REST: variants seen among roughly 807,000 people sequenced by gnomAD.
The protein encoded by REST is RE1 silencing transcription factor.
Under a neutral mutation model 30.4 loss-of-function variants are expected in REST, and 1 was observed. The observed-to-expected ratio is 0.03, with a 90% CI of 0.01 to 0.16. The LOEUF (loss-of-function observed/expected upper bound fraction) is 0.16. Ranked by LOEUF, REST falls within the 10% of genes least tolerant of loss-of-function variation. REST has a pLI of 1.00. For synonymous variants in REST, 504 were observed against 451.1 expected (o/e 1.12, Z -1.49); for missense variants, 1,259 against 1,329.5 (o/e 0.95, Z 0.82).
At position 56,912,654 on chromosome 4, in the gene REST, A is replaced by G. The variant is rs955695913; in HGVS notation, c.898+1118A>G. ...CTCAGCCTCCTGAGTGGCTGGGACTATAGGTGCCCACCACCACACCCAGCT... is the reference window on the plus strand; with the variant it reads ...CTCAGCCTCCTGAGTGGCTGGGACTGTAGGTGCCCACCACCACACCCAGCT... On this transcript the variant is annotated intron_variant, in intron 2 of 3. Coordinates refer to ENST00000309042, the MANE Select transcript of REST (RefSeq NM_005612.5). 3.9e-5 allele frequency among the ~76,000 whole-genome samples: 6 copies of G among 152,214 alleles called. No individual in the cohort carries two copies. In the South Asian group the frequency reaches 8.3e-4, roughly 21 times the overall value.
intron 3 of REST, among the ~76,000 whole-genome samples, chr4:56,924,181 T>C (rs1720576749): frequency 6.6e-6 from 1 of 152,208 alleles, no homozygotes; most frequent in African/African-American, 2.4e-5. Flanking sequence ...TTTTTTCTGT[T>C]GATAACGTTG....
Position 56,930,895 on chromosome 4 carries a change from A to G in REST, c.2037A>G (p.Gln679=), listed in dbSNP as rs1479575303. The change falls in exon 4 of 4, where the codon CAA becomes CAG. Residue 679 remains glutamine (Q), a synonymous_variant. Coordinates refer to ENST00000309042, the MANE Select transcript of REST (RefSeq NM_005612.5). The part of the protein sequence containing the change: ...PVEPAQMVGA[Q]IVLAHMELPP... ...AGCCTGCTCAGATGGTGGGTGCCCA[A>G]ATTGTACTTGCTCACATGGAGCTGC... 21 of 1,613,262 alleles carry G rather than the reference A, an allele frequency of 1.3e-5. No individual in the cohort carries two copies. The highest frequency in any genetic ancestry group is 1.8e-5 in the Non-Finnish European group (21 of 1,179,812).
intron 2 of REST, among the ~76,000 whole-genome samples, chr4:56,913,933 C>T (rs557878831): frequency 3.3e-5 from 5 of 152,014 alleles, no homozygotes; most frequent in South Asian, 4.2e-4. Flanking sequence ...CGTGAGCCAC[C>T]GCGCCTGGCC....
chr4:56,919,803 A>T lies in REST; in HGVS notation c.915A>T (p.Lys305Asn). The change falls in exon 3 of 4, where the codon AAA (lysine) becomes AAT (asparagine). Residue 305 changes from lysine to asparagine, a missense_variant. Lys to Asn is a moderately conservative substitution (Grantham distance 94). This residue lies in a region of REST where 125 missense variants were observed against 255.4 expected (regional missense o/e 0.49). Transcript: ENST00000309042. ...ATTTTGCAGGAGAACGCCCATATAA[A>T]TGTGAACTTTGTCCTTACTCAAGTT... ...VRTHTGERPYKCELCPYSSSQ... is the reference protein window; with the variant it reads ...VRTHTGERPYNCELCPYSSSQ... The T allele has an allele frequency of 6.2e-7, 1 of 1,606,794 alleles. No individual in the cohort carries two copies. Among genetic ancestry groups the T allele is most frequent in the Non-Finnish European group, 8.5e-7 (1 of 1,174,790 alleles).
At chr4:56,920,703 T>C (rs1720406235) in intron 3 of REST, among the ~76,000 whole-genome samples, 1 of 151,932 alleles carries the variant, frequency 6.6e-6, no homozygotes, top group South Asian at 2.1e-4. Flanking sequence ...GCAGAGGTTG[T>C]AAGCCGAGAT....
chr4:56,929,789 C>A (rs1720881547), intron 3 of REST, 52 bp from the exon 4 acceptor site: 14 of 1,504,540 alleles, frequency 9.3e-6, no homozygotes, highest in Non-Finnish European at 1.3e-5. Flanking sequence ...ATATTTTAAT[C>A]TTGAATTTGT....
At position 56,911,027 on chromosome 4, in the gene REST, C is replaced by G. The variant is rs1225668240; in HGVS notation, c.389C>G (p.Ala130Gly). ...CAGCCTGTATTTGAGGCATCAGGTG[C>G]TCCAGATATTTACAGTTCAAATAAA... Reference protein sequence around the residue: ...EPQPVFEASGAPDIYSSNKDL... With the variant: ...EPQPVFEASGGPDIYSSNKDL... The change falls in exon 2 of 4, where the codon GCT becomes GGT. Residue 130 changes from alanine to glycine, a missense_variant. This residue lies in a region of REST where 249 missense variants were observed against 251.5 expected (regional missense o/e 0.99). Transcript: ENST00000309042. 6.2e-7 allele frequency: 1 copy of G among 1,614,058 alleles called. No individual in the cohort carries two copies. Among genetic ancestry groups the G allele is most frequent in the Non-Finnish European group, 8.5e-7 (1 of 1,180,038 alleles).
intron 3 of REST, 54 bp from the exon 4 acceptor site, chr4:56,929,787 A>G (rs1720881367): frequency 1.3e-6 from 2 of 1,494,642 alleles, no homozygotes; most frequent in Non-Finnish European, 1.8e-6. Context: ...TTATATTTTA[A>G]TCTTGAATTT....
intron 3 of REST, among the ~76,000 whole-genome samples, chr4:56,927,215 T>C (rs191889906): frequency 2.6e-5 from 4 of 152,352 alleles, no homozygotes; most frequent in Non-Finnish European, 4.4e-5. Context: ...TAGCTCTATC[T>C]AGAAGTTCTT....
chr4:56,917,911 GCAT>G (rs1226104060), intron 2 of REST, among the ~76,000 whole-genome samples: 1 of 151,990 alleles, frequency 6.6e-6, no homozygotes, highest in Non-Finnish European at 1.5e-5. Context: ...AATTAGCCGG[GCAT>G]GGTGGCGGGC....
At chr4:56,920,842 G>C (rs1423823919) in intron 3 of REST, among the ~76,000 whole-genome samples, 9 of 152,064 alleles carry the variant, frequency 5.9e-5, no homozygotes, top group Admixed American at 5.9e-4. Context: ...ATTGACTCTT[G>C]GTGAACTACC....
chr4:56,935,421 A>T lies in REST; in HGVS notation c.*3269A>T, dbSNP rs560347654. The T allele has an allele frequency of 4.6e-5, 7 of 152,336 alleles. No individual in the cohort carries two copies. The South Asian group carries it at 1.5e-3, about 32-fold the overall frequency. The allele number at this position is 152,336 out of a possible 1,614,324, so 9.4% of individuals were successfully genotyped here. Reference sequence around the variant, plus strand: ...TTGTGTAGATTTACAATCTACATGCAATATTAACTAAATCAGATAGCTTTT... The same window carrying T: ...TTGTGTAGATTTACAATCTACATGCTATATTAACTAAATCAGATAGCTTTT... On this transcript the variant is annotated 3_prime_UTR_variant, in exon 4 of 4. Coordinates refer to ENST00000309042, the MANE Select transcript of REST (RefSeq NM_005612.5).
intron 3 of REST, among the ~76,000 whole-genome samples, chr4:56,925,848 C>A (rs751679349): frequency 1.2e-4 from 18 of 152,152 alleles, no homozygotes; most frequent in Non-Finnish European, 2.2e-4. Context: ...ATTTCTACAT[C>A]CTCCCTTTCC....
Position 56,910,559 on chromosome 4 carries a change from G to T in REST, c.-9-71G>T, listed in dbSNP as rs1164930937. On this transcript the variant is annotated intron_variant, in intron 1 of 3. Coordinates refer to ENST00000309042, the MANE Select transcript of REST (RefSeq NM_005612.5). ...AATTTTTAAGTTATGAAGAATTACA[G>T]CGATGTGGTTTTAAGCCAGTAACAG... The T allele has an allele frequency of 6.9e-6, 9 of 1,299,388 alleles. No homozygotes were observed. In the East Asian group the frequency reaches 2.1e-4, roughly 30 times the overall value. 80.5% of individuals were successfully genotyped at this position (1,299,388 alleles called of 1,614,324 possible).
intron 2 of REST, among the ~76,000 whole-genome samples, chr4:56,913,923 C>A (rs534401865): frequency 4.0e-5 from 6 of 150,740 alleles, no homozygotes; most frequent in African/African-American, 1.5e-4. Flanking sequence ...GGATTACAGG[C>A]GTGAGCCACC....
intron 2 of REST, among the ~76,000 whole-genome samples, chr4:56,912,000 T>C (rs1177925904): frequency 6.6e-6 from 1 of 152,194 alleles, no homozygotes; most frequent in Non-Finnish European, 1.5e-5. Flanking sequence ...TTTATTTCTG[T>C]GACAGTGAAC....
intron 2 of REST, 95 bp downstream of exon 2, chr4:56,911,631 T>A: frequency 5.8e-6 from 6 of 1,031,002 alleles, no homozygotes; most frequent in Non-Finnish European, 7.1e-6. Flanking sequence ...GGACTCTGGT[T>A]CAAATCCAGG....
chr4:56,908,902 G>T (rs1352946653), intron 1 of REST: 1 of 151,464 alleles, frequency 6.6e-6, no homozygotes, highest in Non-Finnish European at 1.5e-5. Flanking sequence ...GGCCCGTGTG[G>T]GGGCCCCCTC....
Position 56,911,362 on chromosome 4 carries a change from G to A in REST, c.724G>A (p.Gly242Arg). The change falls in exon 2 of 4, where the codon GGG becomes AGG. Residue 242 changes from glycine (G) to arginine (R), a missense_variant. Gly to Arg is a moderately radical substitution (Grantham distance 125). This residue lies in a region of REST where 125 missense variants were observed against 255.4 expected (regional missense o/e 0.49). Transcript: ENST00000309042. Reference sequence around the variant, plus strand: ...ACACCTGAAACACCACACCAGAGCTGGGGATAATGAGCGAGTCTACAAGTG... The same window carrying A: ...ACACCTGAAACACCACACCAGAGCTAGGGATAATGAGCGAGTCTACAAGTG... ...TAHLKHHTRA[G>R]DNERVYKCII... 3 of 1,614,162 alleles carry A rather than the reference G, an allele frequency of 1.9e-6. No homozygotes were observed. Among genetic ancestry groups the A allele is most frequent in the Non-Finnish European group, 2.5e-6 (3 of 1,180,032 alleles).
Sources: allele counts gnomAD v4.1 joint callset (sites outside exome capture counted in the v4.1 genomes callset), GRCh38; gene constraint gnomAD v4.1.1; regional missense constraint gnomAD v4.1.1; transcripts MANE v1.5; gene names NCBI Gene and HGNC (gene_info 2026-07-23, HGNC 2026-07-21).